Variants in ADAMTS14 observed in about 807,000 individuals in gnomAD.
ADAMTS14 encodes the protein A disintegrin and metalloproteinase with thrombospondin motifs 14.
In ADAMTS14, 100 loss-of-function variants were observed where a neutral mutation model predicts 128.6. The observed-to-expected ratio is 0.78, with a 90% confidence interval of 0.66 to 0.92. The LOEUF is 0.92. ADAMTS14 is among the 40% of genes least tolerant of loss of function. ADAMTS14 has a pLI of 0.00. For missense variants in ADAMTS14, 1,562 were observed against 1,658.6 expected, an observed-to-expected ratio of 0.94 and a Z score of 1.01; for synonymous variants, 665 against 653.8, an observed-to-expected ratio of 1.02 and a Z score of -0.26.
At chr10:70,751,403 C>G in intron 16 of ADAMTS14, 75 bp from the exon 17 acceptor site, 1 of 1,443,070 alleles carries the variant, frequency 6.9e-7, no homozygotes. Flanking sequence ...GCCTTCTCTT[C>G]GGCCCCTCCC....
chr10:70,704,126 C>G (rs11816063), intron 3 of ADAMTS14, among the ~76,000 whole-genome samples: 11,192 of 152,264 alleles, frequency 0.074, 803 homozygotes, highest in African/African-American at 0.19. Flanking sequence ...GCCTGCCTAG[C>G]AGCCGGCTAA....
Position 70,672,812 on chromosome 10 carries a change from C to T in ADAMTS14, c.10C>T (p.Leu4Phe). 1 of 1,511,376 alleles carries T rather than the reference C, an allele frequency of 6.6e-7. No homozygotes were observed. Among genetic ancestry groups the T allele is most frequent in the Non-Finnish European group, 8.8e-7 (1 of 1,134,012 alleles). The allele number at this position is 1,511,376 out of a possible 1,614,324, so 93.6% of individuals were successfully genotyped here. Reference protein sequence around the residue: MAPLRALLSYLLPL... With the variant: MAPFRALLSYLLPL... ...GTCCCAGCGCGGCCACATGGCTCCA[C>T]TCCGCGCGCTGCTGTCCTACCTGCT... Residue 4 changes from leucine to phenylalanine, a missense_variant, in exon 1 of 22, where the codon CTC becomes TTC. Physicochemically the swap from Leu to Phe is conservative, Grantham distance 22. Coordinates refer to ENST00000373207, the MANE Select transcript of ADAMTS14 (RefSeq NM_080722.4).
Position 70,730,135 on chromosome 10 carries a change from C to A in ADAMTS14, c.988C>A (p.Arg330Ser). ...LSLIERGNPS[R>S]SLEQVCRWAH... ...CCTGATCGAGCGCGGGAACCCCTCACGCAGCCTGGAGCAGGTGTGTCGCTG... is the reference window on the plus strand; with the variant it reads ...CCTGATCGAGCGCGGGAACCCCTCAAGCAGCCTGGAGCAGGTGTGTCGCTG... The change falls in exon 6 of 22, where the codon CGC becomes AGC. Residue 330 changes from arginine (R) to serine (S), a missense_variant. Transcript: ENST00000373207. 1.2e-6 allele frequency: 2 copies of A among 1,610,894 alleles called. No homozygotes were observed. The highest frequency in any genetic ancestry group is 1.7e-6 in the Non-Finnish European group (2 of 1,179,732).
chr10:70,672,561 G>C lies in ADAMTS14; in HGVS notation c.-242G>C, dbSNP rs1470309206. On this transcript the variant is annotated 5_prime_UTR_variant, in exon 1 of 22. Coordinates refer to ENST00000373207, the MANE Select transcript of ADAMTS14 (RefSeq NM_080722.4). ...CAGTTGGCACCGGGTGCGCTGGCGC[G>C]TCAGTGGCCCCGCTCTCCAGCCGGC... 6.6e-6 allele frequency among the ~76,000 whole-genome samples: 1 copy of C among 151,356 alleles called. No individual in the cohort carries two copies. The highest frequency in any genetic ancestry group is 1.5e-5 in the Non-Finnish European group (1 of 67,786).
intron 6 of ADAMTS14, among the ~76,000 whole-genome samples, chr10:70,731,750 C>A (rs897236051): frequency 3.3e-5 from 5 of 152,202 alleles, no homozygotes; most frequent in African/African-American, 1.2e-4. Context: ...TGAATTCTAG[C>A]CTTTCTGGCC....
chr10:70,739,474 A>T (rs1232750211), intron 11 of ADAMTS14, among the ~76,000 whole-genome samples: 2 of 151,542 alleles, frequency 1.3e-5, no homozygotes, highest in Admixed American at 6.6e-5. Context: ...ATTCTGGGGG[A>T]GATGTCCATT....
At chr10:70,698,275 G>A (rs1470203650) in intron 2 of ADAMTS14, among the ~76,000 whole-genome samples, 1 of 151,806 alleles carries the variant, frequency 6.6e-6, no homozygotes, top group East Asian at 1.9e-4. Flanking sequence ...TTTGATTTTA[G>A]CACTTTAAAA....
At chr10:70,743,084 G>A (rs1044005301) in intron 12 of ADAMTS14, among the ~76,000 whole-genome samples, 4 of 152,194 alleles carry the variant, frequency 2.6e-5, no homozygotes, top group African/African-American at 7.2e-5. Context: ...ACTTGAGCAA[G>A]TTCCTTAACC....
In ADAMTS14 at chr10:70,690,500, T is replaced by C. The variant is rs916600902; in HGVS notation, c.523-11812T>C. Among the ~76,000 whole-genome samples, 19 of 145,360 alleles carry C rather than the reference T, an allele frequency of 1.3e-4. 4 individuals carry two copies. Among genetic ancestry groups the C allele is most frequent in the Admixed American group, 1.0e-3 (15 of 14,646 alleles). ...TTACCTGCATTCTGGAGGGAACTTG[T>C]CTCTTGGCCACTGCCAAGTCCCTCA... On this transcript the variant is annotated intron_variant, in intron 2 of 21. Transcript: ENST00000373207.
intron 4 of ADAMTS14, among the ~76,000 whole-genome samples, chr10:70,715,541 C>T (rs1430650209): frequency 6.6e-6 from 1 of 152,008 alleles, no homozygotes. Context: ...GGAGGGGATA[C>T]TCTTTGGGGC....
At chr10:70,717,389 C>T (rs2132636576) in intron 4 of ADAMTS14, among the ~76,000 whole-genome samples, 1 of 152,104 alleles carries the variant, frequency 6.6e-6, no homozygotes, top group Non-Finnish European at 1.5e-5. Flanking sequence ...GACAGCACAG[C>T]AAGGTTGTGG....
intron 2 of ADAMTS14, among the ~76,000 whole-genome samples, chr10:70,687,465 A>AC (rs1210661312): frequency 1.1e-3 from 11 of 9,620 alleles, no homozygotes; most frequent in South Asian, 6.2e-3. Context: ...CGGAGGGCTG[A>AC]CCCCCCCACC....
chr10:70,674,740 T>C lies in ADAMTS14; in HGVS notation c.267T>C (p.Pro89=). Residue 89 remains proline, a synonymous_variant, in exon 2 of 22, where the codon CCT becomes CCC. Coordinates refer to ENST00000373207, the MANE Select transcript of ADAMTS14 (RefSeq NM_080722.4). ...HSSHLRVARS[P]LHPGGTLWPG... Reference sequence around the variant, plus strand: ...GTCACCTCCGGGTGGCTCGCAGCCCTCTGCACCCAGGAGGGACCCTGTGGC... The same window carrying C: ...GTCACCTCCGGGTGGCTCGCAGCCCCCTGCACCCAGGAGGGACCCTGTGGC... 6.2e-7 allele frequency: 1 copy of C among 1,613,496 alleles called. No individual in the cohort carries two copies. Among genetic ancestry groups the C allele is most frequent in the South Asian group, 1.1e-5 (1 of 91,076 alleles).
intron 21 of ADAMTS14, among the ~76,000 whole-genome samples, chr10:70,759,839 G>A (rs2541233): frequency 1.6e-4 from 24 of 152,204 alleles, no homozygotes; most frequent in African/African-American, 5.5e-4. Flanking sequence ...TCCATCCAGA[G>A]CAGCTGCAAG....
intron 2 of ADAMTS14, among the ~76,000 whole-genome samples, chr10:70,686,304 T>A (rs1839949740): frequency 1.4e-5 from 2 of 147,244 alleles, no homozygotes; most frequent in African/African-American, 5.0e-5. Context: ...TTTATTTTTT[T>A]ATTGATAATT....
intron 4 of ADAMTS14, among the ~76,000 whole-genome samples, chr10:70,723,368 C>A (rs1192681152): frequency 6.6e-6 from 1 of 152,110 alleles, no homozygotes; most frequent in Non-Finnish European, 1.5e-5. Flanking sequence ...TTAGAGAAAT[C>A]TGAATAAAAT....
intron 13 of ADAMTS14, among the ~76,000 whole-genome samples, 160 bp from the exon 14 acceptor site, chr10:70,743,906 C>T (rs1020952070): frequency 1.3e-5 from 2 of 152,196 alleles, no homozygotes; most frequent in Non-Finnish European, 1.5e-5. Context: ...TGTAAGACCT[C>T]ACCCAGGTCC....
intron 2 of ADAMTS14, among the ~76,000 whole-genome samples, chr10:70,695,756 G>A (rs991782456): frequency 6.6e-6 from 1 of 152,224 alleles, no homozygotes; most frequent in Non-Finnish European, 1.5e-5. Flanking sequence ...TCTCTATCAA[G>A]GAGGCTGTTG....
intron 11 of ADAMTS14, 27 bp downstream of exon 11, chr10:70,739,017 G>T (rs1458392490): frequency 6.3e-7 from 1 of 1,582,464 alleles, no homozygotes; most frequent in South Asian, 1.2e-5. Context: ...AGGGTGGGGA[G>T]GGCAGGGAGT....
Sources: gnomAD v4.1 joint callset for allele counts (sites outside exome capture counted in the v4.1 genomes callset) on GRCh38, gnomAD v4.1.1 for gene constraint, MANE v1.5 for transcripts, NCBI Gene and HGNC (gene_info 2026-07-23, HGNC 2026-07-21) for gene names.